Variants in DMRT1 observed in about 807,000 individuals in gnomAD.
DMRT1 encodes the protein doublesex- and mab-3-related transcription factor 1.
A neutral mutation model predicts 32.3 loss-of-function variants in DMRT1; 7 were observed. That is an observed-to-expected ratio of 0.22 (90% confidence interval 0.12 to 0.41). The LOEUF (loss-of-function observed/expected upper bound fraction) is 0.41. DMRT1 is among the 10% of genes least tolerant of loss of function. DMRT1 has a pLI of 1.00. For missense variants in DMRT1, 625 were observed against 500.5 expected, an observed-to-expected ratio of 1.25 and a Z score of -2.37; for synonymous variants, 278 against 206.1, an observed-to-expected ratio of 1.35 and a Z score of -2.99.
At chr9:938,648 G>C (rs1818964207) in intron 4 of DMRT1, among the ~76,000 whole-genome samples, 1 of 151,874 alleles carries the variant, frequency 6.6e-6, no homozygotes, top group South Asian at 2.1e-4. Flanking sequence ...GTTTTTTTGT[G>C]GATTCTCTAG....
intron 2 of DMRT1, among the ~76,000 whole-genome samples, chr9:864,545 CTG>C (rs1443250993): frequency 1.5e-5 from 2 of 135,252 alleles, no homozygotes; most frequent in African/African-American, 2.8e-5. Context: ...GTCGCCCAGG[CTG>C]GAGTGCAGTG....
At chr9:891,553 C>A (rs554728722) in intron 2 of DMRT1, among the ~76,000 whole-genome samples, 2 of 149,084 alleles carry the variant, frequency 1.3e-5, no homozygotes, top group Non-Finnish European at 1.5e-5. Context: ...CTTGCTCTGT[C>A]GCCCAGGCTG....
chr9:954,496 T>TAA (rs1467806110), intron 4 of DMRT1, among the ~76,000 whole-genome samples: 1 of 152,060 alleles, frequency 6.6e-6, no homozygotes, highest in East Asian at 1.9e-4. Context: ...GGAGTAGTCT[T>TAA]AAGCTTCGAG....
At chr9:954,995 G>T (rs1819551944) in intron 4 of DMRT1, among the ~76,000 whole-genome samples, 1 of 152,202 alleles carries the variant, frequency 6.6e-6, no homozygotes, top group African/African-American at 2.4e-5. Flanking sequence ...CAGGGAAAGA[G>T]ATATACATTG....
chr9:963,577 G>T (rs75415735), intron 4 of DMRT1, among the ~76,000 whole-genome samples: 1,725 of 152,246 alleles, frequency 0.011, 26 homozygotes, highest in African/African-American at 0.038. Context: ...TGATAGATCA[G>T]GTGGAATAAA....
intron 4 of DMRT1, among the ~76,000 whole-genome samples, chr9:921,249 C>T (rs187072061): frequency 6.6e-6 from 1 of 152,132 alleles, no homozygotes; most frequent in Admixed American, 6.5e-5. Context: ...TAATATGTAG[C>T]CTTTTGTGTC....
chr9:871,117 A>C (rs73384479), intron 2 of DMRT1, among the ~76,000 whole-genome samples: 3,252 of 151,340 alleles, frequency 0.021, 118 homozygotes, highest in African/African-American at 0.074. Context: ...GCACATTGCA[A>C]CCTTCGCCTT....
chr9:961,065 T>C (rs915894898), intron 4 of DMRT1, among the ~76,000 whole-genome samples: 3 of 152,070 alleles, frequency 2.0e-5, no homozygotes, highest in Non-Finnish European at 2.9e-5. Context: ...ATTTTACACA[T>C]GAGGAAGCAG....
At chr9:846,111 A>C (rs1363795059) in intron 1 of DMRT1, among the ~76,000 whole-genome samples, 1 of 149,498 alleles carries the variant, frequency 6.7e-6, no homozygotes, top group African/African-American at 2.5e-5. Flanking sequence ...GGCTCACTGC[A>C]ACCTCTGCCT....
chr9:890,085 G>GTTTTTTTTTTTTT (rs35228255), intron 2 of DMRT1, among the ~76,000 whole-genome samples: 13 of 102,996 alleles, frequency 1.3e-4, no homozygotes, highest in African/African-American at 3.8e-4. Flanking sequence ...CACCAAACGT[G>GTTTTTTTTTTTTT]TTTTTTTTTT....
intron 4 of DMRT1, among the ~76,000 whole-genome samples, chr9:930,982 C>T (rs934949536): frequency 1.3e-5 from 2 of 152,096 alleles, no homozygotes; most frequent in Non-Finnish European, 2.9e-5. Context: ...AAAACATTTC[C>T]ATCATCCCCA....
intron 2 of DMRT1, among the ~76,000 whole-genome samples, chr9:855,535 A>G (rs775813372): frequency 7.9e-5 from 12 of 152,250 alleles, no homozygotes; most frequent in Non-Finnish European, 1.5e-4. Flanking sequence ...TAGGTAAGTG[A>G]TCTGAACCCA....
chr9:923,927 C>G (rs185747414), intron 4 of DMRT1, among the ~76,000 whole-genome samples: 69 of 152,232 alleles, frequency 4.5e-4, no homozygotes, highest in African/African-American at 1.6e-3. Flanking sequence ...CCATTTTGTT[C>G]TCAGCTTTAA....
intron 4 of DMRT1, among the ~76,000 whole-genome samples, chr9:928,750 T>G (rs1425454380): frequency 9.2e-5 from 14 of 152,212 alleles, no homozygotes; most frequent in Non-Finnish European, 1.0e-4. Flanking sequence ...AAGTTTAAGA[T>G]GTACAACAAC....
Position 877,114 on chromosome 9 carries a change from G to A in DMRT1, c.539-16798G>A, listed in dbSNP as rs116822871. ...TTCTCTGTGGTCACATTCTGTGAAAGGCTATTGGATTTAATTCTCTGTGGT... is the reference window on the plus strand; with the variant it reads ...TTCTCTGTGGTCACATTCTGTGAAAAGCTATTGGATTTAATTCTCTGTGGT... On this transcript the variant is annotated intron_variant, in intron 2 of 4. Coordinates refer to ENST00000382276, the MANE Select transcript of DMRT1 (RefSeq NM_021951.3). Among the ~76,000 whole-genome samples, 311 of 152,196 alleles carry A rather than the reference G, an allele frequency of 2.0e-3. 4 individuals carry two copies. Among genetic ancestry groups the A allele is most frequent in the African/African-American group, 7.4e-3 (306 of 41,432 alleles).
intron 4 of DMRT1, among the ~76,000 whole-genome samples, chr9:930,633 C>G (rs1444270631): frequency 1.3e-5 from 2 of 152,062 alleles, no homozygotes; most frequent in African/African-American, 2.4e-5. Flanking sequence ...TGGTCTCGAT[C>G]TCCTGACCTC....
intron 1 of DMRT1, 78 bp from the exon 2 acceptor site, chr9:846,882 G>C: frequency 6.4e-7 from 1 of 1,551,086 alleles, no homozygotes; most frequent in East Asian, 2.2e-5. Context: ...CATGGTGTCT[G>C]GGATGGGTGG....
At chr9:891,787 G>T (rs1817162632) in intron 2 of DMRT1, among the ~76,000 whole-genome samples, 1 of 152,030 alleles carries the variant, frequency 6.6e-6, no homozygotes, top group African/African-American at 2.4e-5. Flanking sequence ...GCCTCCCAAA[G>T]TGCTGGGATT....
intron 3 of DMRT1, among the ~76,000 whole-genome samples, chr9:907,346 T>A (rs1392325067): frequency 6.6e-6 from 1 of 152,206 alleles, no homozygotes; most frequent in Non-Finnish European, 1.5e-5. Flanking sequence ...GTCTGTATTT[T>A]AGATTTGTGA....
Sources: allele counts gnomAD v4.1 joint callset (sites outside exome capture counted in the v4.1 genomes callset), GRCh38; gene constraint gnomAD v4.1.1; transcripts MANE v1.5; gene names NCBI Gene and HGNC (gene_info 2026-07-23, HGNC 2026-07-21).